The following CORO2A variants were observed in gnomAD, a reference collection of about 807,000 sequenced individuals.
The protein encoded by CORO2A is coronin 2A, also known as coronin-2A.
A neutral mutation model predicts 62.4 loss-of-function variants in CORO2A; 47 were observed. That is an observed-to-expected ratio of 0.75 (90% CI 0.60 to 0.96). The LOEUF (loss-of-function observed/expected upper bound fraction) is 0.96. Among genes scored for constraint, CORO2A ranks in the 40% least tolerant of loss-of-function variants. The pLI is 0.00. For synonymous variants in CORO2A, 273 were observed against 268.9 expected (o/e 1.02, Z -0.15); for missense variants, 610 against 684.1 (o/e 0.89, Z 1.21).
At chr9:98,139,521 G>T (rs767870141) in intron 2 of CORO2A, among the ~76,000 whole-genome samples, 1 of 152,230 alleles carries the variant, frequency 6.6e-6, no homozygotes, top group Non-Finnish European at 1.5e-5. Flanking sequence ...AAGCTACTTG[G>T]GAGACTGAGG....
At chr9:98,186,003 G>A (rs7854562) in intron 1 of CORO2A, among the ~76,000 whole-genome samples, 88,243 of 152,126 alleles carry the variant, frequency 0.58, 27,269 homozygotes, top group African/African-American at 0.82. Flanking sequence ...TGGCTAGAGG[G>A]ACAAGACTCT....
Position 98,132,319 on chromosome 9 carries a change from G to A in CORO2A, c.649-18C>T. ...CTGGCCTCCTGGAGGGACACGTGCG[G>A]TCGGTATTGGAGAGACAGTAGAGGA... On this transcript the variant is annotated intron_variant, in intron 5 of 11. Transcript: ENST00000375077. 1 of 1,602,420 alleles carries A rather than the reference G, an allele frequency of 6.2e-7. No homozygotes were observed. Among genetic ancestry groups the A allele is most frequent in the Non-Finnish European group, 8.5e-7 (1 of 1,169,886 alleles).
chr9:98,163,669 C>A (rs1827918227), intron 1 of CORO2A, among the ~76,000 whole-genome samples: 2 of 151,930 alleles, frequency 1.3e-5, no homozygotes, highest in South Asian at 4.1e-4. Flanking sequence ...AGAGACCCCT[C>A]TTCCTGCTAT....
chr9:98,174,627 G>A (rs796312035), intron 1 of CORO2A, among the ~76,000 whole-genome samples: 9 of 152,218 alleles, frequency 5.9e-5, no homozygotes, highest in African/African-American at 2.2e-4. Flanking sequence ...CCCCCAGGCT[G>A]TTCTGGTATT....
intron 1 of CORO2A, among the ~76,000 whole-genome samples, chr9:98,158,726 T>C (rs188028458): frequency 1.7e-3 from 253 of 152,158 alleles, no homozygotes; most frequent in Middle Eastern, 0.014. Context: ...GAGTTGGTCA[T>C]GTAGGCAGGA....
rs1038645273 is a variant in CORO2A, at chr9:98,160,124, C to T, written c.1-2464G>A. 1.2e-4 allele frequency among the ~76,000 whole-genome samples: 19 copies of T among 152,286 alleles called. No individual in the cohort carries two copies. In the East Asian group the frequency reaches 3.1e-3, roughly 25 times the overall value. On this transcript the variant is annotated intron_variant, in intron 1 of 11. Transcript: ENST00000375077. Reference sequence around the variant, plus strand: ...AGCTCAGAAATTCCAACTCTCCTTTCGGGAGCTTTGCCCTAAACCCTGGCT... The same window carrying T: ...AGCTCAGAAATTCCAACTCTCCTTTTGGGAGCTTTGCCCTAAACCCTGGCT...
At chr9:98,183,730 C>A (rs1027386848) in intron 1 of CORO2A, among the ~76,000 whole-genome samples, 6 of 152,154 alleles carry the variant, frequency 3.9e-5, no homozygotes, top group African/African-American at 1.4e-4. Context: ...GAGGCTGAGG[C>A]GGGCAGATTA....
At chr9:98,128,399 GC>G in intron 9 of CORO2A, 139 bp from the exon 10 acceptor site, 1 of 823,776 alleles carries the variant, frequency 1.2e-6, no homozygotes, top group Non-Finnish European at 2.0e-6. Context: ...AAAGGGACTT[GC>G]CCGAGGTCAC....
rs778513387 is a variant in CORO2A, at chr9:98,128,624, T to C, written c.1063A>G (p.Met355Val). The change falls in exon 9 of 12, where the codon ATG (methionine) becomes GTG (valine). Residue 355 changes from methionine (M) to valine (V), a missense_variant. Met to Val is a conservative substitution (Grantham distance 21, BLOSUM62 1). Coordinates refer to ENST00000375077, the MANE Select transcript of CORO2A (RefSeq NM_052820.4). The part of the protein sequence containing the change: ...TTKSLIEPIS[M>V]IVPRRSESYQ... Reference sequence around the variant, plus strand: ...GCCCTTACCCGCCGGGGCACAATCATGGAGATGGGCTCGATGAGGCTTTTG... The same window carrying C: ...GCCCTTACCCGCCGGGGCACAATCACGGAGATGGGCTCGATGAGGCTTTTG... The C allele has an allele frequency of 2.5e-6, 4 of 1,614,136 alleles. No homozygotes were observed. The highest frequency in any genetic ancestry group is 3.4e-6 in the Non-Finnish European group (4 of 1,179,984).
chr9:98,180,468 C>A (rs1828163395), intron 1 of CORO2A, among the ~76,000 whole-genome samples: 1 of 152,120 alleles, frequency 6.6e-6, no homozygotes, highest in African/African-American at 2.4e-5. Context: ...ACCCGCAACA[C>A]AGAAAACCAT....
At chr9:98,144,865 G>C (rs987002008) in intron 2 of CORO2A, among the ~76,000 whole-genome samples, 1 of 152,158 alleles carries the variant, frequency 6.6e-6, no homozygotes, top group African/African-American at 2.4e-5. Context: ...TACTCACCCT[G>C]CCCAGGGTGC....
At chr9:98,163,543 G>C (rs935203650) in intron 1 of CORO2A, among the ~76,000 whole-genome samples, 1 of 152,174 alleles carries the variant, frequency 6.6e-6, no homozygotes, top group Non-Finnish European at 1.5e-5. Flanking sequence ...TGCAAGGTAG[G>C]TGGGGATTAT....
At chr9:98,162,116 G>A (rs1054362340) in intron 1 of CORO2A, among the ~76,000 whole-genome samples, 1 of 152,236 alleles carries the variant, frequency 6.6e-6, no homozygotes, top group Admixed American at 6.5e-5. Flanking sequence ...CCGTTCAGAT[G>A]TAGGTGTTCA....
chr9:98,149,838 C>A lies in CORO2A; in HGVS notation c.201+7622G>T, dbSNP rs141453271. On this transcript the variant is annotated intron_variant, in intron 2 of 11. Coordinates refer to ENST00000375077, the MANE Select transcript of CORO2A (RefSeq NM_052820.4). Reference sequence around the variant, plus strand: ...TGTGATGATAGCAATTAACATGTATCTTTGAGCTATTTATTATATTTCAAA... The same window carrying A: ...TGTGATGATAGCAATTAACATGTATATTTGAGCTATTTATTATATTTCAAA... Among the ~76,000 whole-genome samples, 88 of 152,268 alleles carry A rather than the reference C, an allele frequency of 5.8e-4. 1 individual carries two copies. The East Asian group carries it at 0.016, about 27-fold the overall frequency.
At chr9:98,141,469 C>T (rs1050501048) in intron 2 of CORO2A, among the ~76,000 whole-genome samples, 6 of 151,826 alleles carry the variant, frequency 4.0e-5, no homozygotes, top group Non-Finnish European at 7.4e-5. Context: ...CTCCCTGCCT[C>T]GGCCTCCTGA....
chr9:98,125,432 G>A (rs576915429), intron 11 of CORO2A, among the ~76,000 whole-genome samples: 1 of 152,268 alleles, frequency 6.6e-6, no homozygotes, highest in East Asian at 1.9e-4. Context: ...CAGTCTCTGG[G>A]TCTAAGACCC....
At chr9:98,154,819 C>T (rs1218484777) in intron 2 of CORO2A, among the ~76,000 whole-genome samples, 1 of 152,098 alleles carries the variant, frequency 6.6e-6, no homozygotes, top group African/African-American at 2.4e-5. Flanking sequence ...TATGGATATG[C>T]CATAATTTAT....
chr9:98,157,790 G>A, intron 1 of CORO2A, 130 bp from the exon 2 acceptor site: 4 of 761,666 alleles, frequency 5.3e-6, no homozygotes, highest in South Asian at 1.8e-5. Flanking sequence ...GGACGGTGAT[G>A]CACTGTGAAG....
At chr9:98,190,491 A>G (rs1424523743) in intron 1 of CORO2A, among the ~76,000 whole-genome samples, 1 of 152,156 alleles carries the variant, frequency 6.6e-6, no homozygotes, top group Non-Finnish European at 1.5e-5. Context: ...TCTTGGAATC[A>G]GGATCCCTGG....
Sources: allele counts gnomAD v4.1 joint callset (sites outside exome capture counted in the v4.1 genomes callset), GRCh38; gene constraint gnomAD v4.1.1; transcripts MANE v1.5; gene names NCBI Gene and HGNC (gene_info 2026-07-23, HGNC 2026-07-21).